GABRB2: variants seen among roughly 807,000 people sequenced by gnomAD.
The protein encoded by GABRB2 is gamma-aminobutyric acid receptor subunit beta-2.
GABRB2 carries 16 observed loss-of-function variants against 54.7 expected under a neutral mutation model. That is an observed-to-expected ratio of 0.29 (90% CI 0.20 to 0.44). The LOEUF is 0.44. Among genes scored for constraint, GABRB2 ranks in the 20% least tolerant of loss-of-function variants. The pLI, the probability that GABRB2 is intolerant of heterozygous loss-of-function variation, is 1.00. For missense variants in GABRB2, 355 were observed against 644.0 expected, an observed-to-expected ratio of 0.55 and a Z score of 4.86; for synonymous variants, 244 against 233.8, an observed-to-expected ratio of 1.04 and a Z score of -0.40.
Position 161,516,036 on chromosome 5 carries a change from G to GCCTGGCTT in GABRB2, c.237+29190_237+29191insAAGCCAGG, listed in dbSNP as rs780026084. ...ATAGAAAATAAGCCTGGACTTTGTA[G>GCCTGGCTT]TGTCACTCCTAAGCCTTGGAGTCTT... is the stretch of plus-strand genomic sequence containing the variant. On this transcript the variant is annotated intron_variant, in intron 3 of 9. Coordinates refer to ENST00000393959, the MANE Select transcript of GABRB2 (RefSeq NM_001371727.1). Among the ~76,000 whole-genome samples, 1,359 of 152,266 alleles carry GCCTGGCTT rather than the reference G, an allele frequency of 8.9e-3. 9 individuals carry two copies. The highest frequency in any genetic ancestry group is 0.013 in the Non-Finnish European group (883 of 68,026).
chr5:161,404,989 C>T (rs1325958086), intron 5 of GABRB2, among the ~76,000 whole-genome samples: 1 of 152,158 alleles, frequency 6.6e-6, no homozygotes, highest in Non-Finnish European at 1.5e-5. Context: ...TCTGACTTTT[C>T]ACCAGCTGTA....
intron 5 of GABRB2, among the ~76,000 whole-genome samples, chr5:161,378,522 T>C (rs982990953): frequency 2.0e-5 from 3 of 152,108 alleles, no homozygotes; most frequent in Non-Finnish European, 1.5e-5. Flanking sequence ...TTGTTTACTG[T>C]GGTTCTAGGG....
chr5:161,436,500 T>A (rs1447713759), intron 4 of GABRB2, among the ~76,000 whole-genome samples: 7 of 140,604 alleles, frequency 5.0e-5, no homozygotes, highest in African/African-American at 1.6e-4. Context: ...ACCACTGCAC[T>A]CCAGCCTGGG....
chr5:161,353,056 G>A (rs1426369030), intron 5 of GABRB2, among the ~76,000 whole-genome samples: 1 of 151,970 alleles, frequency 6.6e-6, no homozygotes. Flanking sequence ...AAAGCAATTA[G>A]AACACTGTCT....
chr5:161,409,372 T>C (rs1338583287), intron 5 of GABRB2, among the ~76,000 whole-genome samples: 1 of 152,152 alleles, frequency 6.6e-6, no homozygotes, highest in Non-Finnish European at 1.5e-5. Context: ...ATCATGTTAA[T>C]TTTTAAATAT....
At chr5:161,349,700 G>A (rs940158202) in intron 5 of GABRB2, among the ~76,000 whole-genome samples, 1 of 152,068 alleles carries the variant, frequency 6.6e-6, no homozygotes, top group Non-Finnish European at 1.5e-5. Flanking sequence ...TCGCATGGTG[G>A]GAAACTGAGG....
intron 4 of GABRB2, among the ~76,000 whole-genome samples, chr5:161,453,039 A>T (rs1446911446): frequency 6.6e-6 from 1 of 152,182 alleles, no homozygotes; most frequent in African/African-American, 2.4e-5. Context: ...TTTTTCTTTA[A>T]ACTATTCTGA....
intron 9 of GABRB2, among the ~76,000 whole-genome samples, chr5:161,295,011 A>G (rs1389579637): frequency 2.0e-5 from 3 of 152,228 alleles, no homozygotes; most frequent in African/African-American, 7.2e-5. Context: ...TGTAATGTCA[A>G]TACAAATAGG....
intron 3 of GABRB2, among the ~76,000 whole-genome samples, chr5:161,502,871 A>G (rs978200282): frequency 6.6e-6 from 1 of 152,222 alleles, no homozygotes; most frequent in African/African-American, 2.4e-5. Context: ...AGGTTTTTTC[A>G]TTGAGACATG....
intron 5 of GABRB2, 93 bp downstream of exon 5, chr5:161,410,882 G>A (rs1756492619): frequency 1.1e-6 from 1 of 897,370 alleles, no homozygotes; most frequent in Non-Finnish European, 1.8e-6. Context: ...ACCTTTGCAG[G>A]GCCTGTGGTC....
At chr5:161,513,429 C>T (rs559011420) in intron 3 of GABRB2, among the ~76,000 whole-genome samples, 15 of 151,916 alleles carry the variant, frequency 9.9e-5, no homozygotes, top group East Asian at 5.8e-4. Context: ...TATATATATA[C>T]AATGGAATAC....
At chr5:161,352,365 C>G (rs924819266) in intron 5 of GABRB2, among the ~76,000 whole-genome samples, 2 of 151,584 alleles carry the variant, frequency 1.3e-5, no homozygotes, top group East Asian at 1.9e-4. Flanking sequence ...AAATACTACT[C>G]AGGGTTAAAA....
At chr5:161,360,489 T>C (rs1754778561) in intron 5 of GABRB2, among the ~76,000 whole-genome samples, 2 of 152,212 alleles carry the variant, frequency 1.3e-5, no homozygotes, top group Admixed American at 1.3e-4. Context: ...TTTTTCTCTC[T>C]CTCTCTTCAA....
At chr5:161,503,497 T>A (rs1276623254) in intron 3 of GABRB2, among the ~76,000 whole-genome samples, 2 of 151,476 alleles carry the variant, frequency 1.3e-5, no homozygotes, top group African/African-American at 4.8e-5. Flanking sequence ...TCACCTGAGG[T>A]TGGGAGTTTG....
At chr5:161,453,280 A>G (rs548409155) in intron 4 of GABRB2, among the ~76,000 whole-genome samples, 2 of 152,216 alleles carry the variant, frequency 1.3e-5, no homozygotes, top group Non-Finnish European at 2.9e-5. Context: ...ATTTAATTTT[A>G]TAATTAGATT....
At chr5:161,473,355 G>T (rs1019659293) in intron 3 of GABRB2, among the ~76,000 whole-genome samples, 6 of 151,992 alleles carry the variant, frequency 3.9e-5, no homozygotes, top group Non-Finnish European at 5.9e-5. Context: ...TGGGCAGTAG[G>T]CCATGATCCA....
chr5:161,333,879 G>T (rs1214999836), intron 7 of GABRB2, among the ~76,000 whole-genome samples: 2 of 152,090 alleles, frequency 1.3e-5, no homozygotes, highest in African/African-American at 4.8e-5. Context: ...ATGCCCCCTT[G>T]CTTTATATCC....
intron 3 of GABRB2, among the ~76,000 whole-genome samples, chr5:161,524,905 C>T (rs561060745): frequency 1.3e-3 from 195 of 151,226 alleles, no homozygotes; most frequent in Non-Finnish European, 2.4e-3. Context: ...ATAGCTCATT[C>T]GAGTAAAGTC....
chr5:161,390,958 T>G (rs542270431), intron 5 of GABRB2, among the ~76,000 whole-genome samples: 2 of 152,254 alleles, frequency 1.3e-5, no homozygotes, highest in Admixed American at 6.5e-5. Context: ...ATAGAAAATT[T>G]ACGGTTCAGG....
Sources: gnomAD v4.1 joint callset for allele counts (sites outside exome capture counted in the v4.1 genomes callset) on GRCh38, gnomAD v4.1.1 for gene constraint, MANE v1.5 for transcripts, NCBI Gene and HGNC (gene_info 2026-07-23, HGNC 2026-07-21) for gene names.